ANKRD30BL: variants seen among roughly 807,000 people sequenced by gnomAD.
ANKRD30BL encodes ankyrin repeat domain 30B like, also known as putative ankyrin repeat domain-containing protein 30B-like.
Under a neutral mutation model 18.4 loss-of-function variants are expected in ANKRD30BL, and 20 were observed. The observed-to-expected ratio is 1.09, with a 90% CI of 0.77 to 1.58. ANKRD30BL has a LOEUF of 1.58. Among genes scored for constraint, ANKRD30BL ranks in the 40% most tolerant of loss-of-function variants. ANKRD30BL has a pLI of 0.00. For synonymous variants in ANKRD30BL, 72 were observed against 100.9 expected, an observed-to-expected ratio of 0.71 and a Z score of 1.72; for missense variants, 224 against 268.6, an observed-to-expected ratio of 0.83 and a Z score of 1.16.
intron 1 of ANKRD30BL, among the ~76,000 whole-genome samples, chr2:132,201,825 A>T (rs1679105056): frequency 6.6e-6 from 1 of 152,246 alleles, no homozygotes. Flanking sequence ...TCATGCAGCT[A>T]CAAAGACACA....
At chr2:132,194,632 G>C (rs1438922557) in intron 1 of ANKRD30BL, among the ~76,000 whole-genome samples, 15 of 152,100 alleles carry the variant, frequency 9.9e-5, no homozygotes, top group Admixed American at 4.6e-4. Context: ...CCCTCTACAG[G>C]TGTAAGATCT....
At chr2:132,168,679 T>C (rs1199908576) in intron 1 of ANKRD30BL, among the ~76,000 whole-genome samples, 1 of 152,178 alleles carries the variant, frequency 6.6e-6, no homozygotes, top group Admixed American at 6.5e-5. Context: ...AAGAATGTAT[T>C]GTATACTTGA....
chr2:132,233,118 T>C (rs1216175118), intron 1 of ANKRD30BL, among the ~76,000 whole-genome samples: 4 of 151,208 alleles, frequency 2.6e-5, no homozygotes, highest in East Asian at 1.9e-4. Context: ...TAAAATACTT[T>C]ACAGACAAGC....
chr2:132,248,396 ATAAAG>A (rs1217399528), intron 1 of ANKRD30BL, among the ~76,000 whole-genome samples: 1 of 152,148 alleles, frequency 6.6e-6, no homozygotes, highest in African/African-American at 2.4e-5. Flanking sequence ...TGCAAACATC[ATAAAG>A]TAGTTTCTCA....
chr2:132,216,732 C>T (rs1314142990), intron 1 of ANKRD30BL, among the ~76,000 whole-genome samples: 49 of 151,562 alleles, frequency 3.2e-4, no homozygotes, highest in Admixed American at 2.2e-3. Context: ...TTGAGGCCTT[C>T]ATTGGAATCG....
upstream of ANKRD30BL, among the ~76,000 whole-genome samples, chr2:132,162,769 C>A (rs1306812380): frequency 3.9e-5 from 6 of 152,280 alleles, no homozygotes; most frequent in African/African-American, 1.2e-4. Flanking sequence ...TTGGCTCGCG[C>A]CCTGAGCGCT....
chr2:132,235,319 G>T (rs57792023), intron 1 of ANKRD30BL, among the ~76,000 whole-genome samples: 10,827 of 152,022 alleles, frequency 0.071, 1,253 homozygotes, highest in African/African-American at 0.25. Context: ...TTCAACATAG[G>T]GTTGGAAGTT....
At chr2:132,185,005 G>C (rs1225915043) in intron 1 of ANKRD30BL, among the ~76,000 whole-genome samples, 2 of 151,996 alleles carry the variant, frequency 1.3e-5, no homozygotes, top group Non-Finnish European at 2.9e-5. Context: ...GTAGAGACAG[G>C]GTTTCACTGT....
intron 1 of ANKRD30BL, among the ~76,000 whole-genome samples, chr2:132,209,608 T>C (rs535538889): frequency 1.3e-5 from 2 of 152,242 alleles, no homozygotes; most frequent in African/African-American, 4.8e-5. Flanking sequence ...ATTGAACAGT[T>C]TTGAAACACT....
intron 1 of ANKRD30BL, among the ~76,000 whole-genome samples, chr2:132,234,589 G>A (rs1680103310): frequency 6.6e-6 from 1 of 152,128 alleles, no homozygotes; most frequent in Non-Finnish European, 1.5e-5. Context: ...AAATCCAGAA[G>A]AAATGGATAA....
upstream of ANKRD30BL, among the ~76,000 whole-genome samples, chr2:132,162,698 G>C (rs904008787): frequency 3.3e-5 from 5 of 152,268 alleles, no homozygotes; most frequent in African/African-American, 1.2e-4. Context: ...GCAGGGCTGG[G>C]CCCGACGGCC....
intron 1 of ANKRD30BL, among the ~76,000 whole-genome samples, chr2:132,251,725 A>T (rs62164980): frequency 1.9e-4 from 27 of 140,010 alleles, no homozygotes; most frequent in Middle Eastern, 3.9e-3. Context: ...AAACAAAACA[A>T]TTCCATTCAT....
At chr2:132,152,394 G>T (rs1687784434) in intron 4 of ANKRD30BL, 1 of 152,196 alleles carries the variant, frequency 6.6e-6, no homozygotes, top group Admixed American at 6.5e-5. Context: ...GATGGATGAG[G>T]CTTAGCTCTG....
chr2:132,228,130 G>C (rs1410686883), intron 1 of ANKRD30BL, among the ~76,000 whole-genome samples: 1 of 151,930 alleles, frequency 6.6e-6, no homozygotes, highest in African/African-American at 2.4e-5. Context: ...TAGAAACTTT[G>C]TGATGTGTGC....
chr2:132,165,442 C>T (rs1386934271), upstream of ANKRD30BL, among the ~76,000 whole-genome samples: 1 of 151,792 alleles, frequency 6.6e-6, no homozygotes, highest in Admixed American at 6.6e-5. Flanking sequence ...ACCTGTAATC[C>T]TAGCACTTTG....
At chr2:132,198,806 C>T (rs1335488189) in intron 1 of ANKRD30BL, among the ~76,000 whole-genome samples, 4 of 151,870 alleles carry the variant, frequency 2.6e-5, no homozygotes, top group African/African-American at 4.8e-5. Context: ...TTAGTAGAGA[C>T]GACGTTTCGC....
At chr2:132,151,924 A>T (rs1687767723) in intron 4 of ANKRD30BL, among the ~76,000 whole-genome samples, 1 of 152,156 alleles carries the variant, frequency 6.6e-6, no homozygotes, top group African/African-American at 2.4e-5. Flanking sequence ...CTCTGAACCA[A>T]CAAATCTTTG....
intron 1 of ANKRD30BL, among the ~76,000 whole-genome samples, chr2:132,214,933 G>A (rs201973023): frequency 2.1e-4 from 32 of 149,664 alleles, no homozygotes; most frequent in African/African-American, 7.9e-4. Context: ...TATTGAGCAG[G>A]TTTGAATCAC....
chr2:132,235,023 T>A (rs1680116491), intron 1 of ANKRD30BL, among the ~76,000 whole-genome samples: 1 of 152,210 alleles, frequency 6.6e-6, no homozygotes, highest in South Asian at 2.1e-4. Flanking sequence ...GATGCAAGGC[T>A]GGTTCAATAT....
Sources: allele counts gnomAD v4.1 joint callset (sites outside exome capture counted in the v4.1 genomes callset), GRCh38; gene constraint gnomAD v4.1.1; transcripts MANE v1.5; gene names NCBI Gene and HGNC (gene_info 2026-07-23, HGNC 2026-07-21).